Variants in CCBE1 observed in about 807,000 individuals in gnomAD.
The protein encoded by CCBE1 is collagen and calcium-binding EGF domain-containing protein 1.
A neutral mutation model predicts 50.0 loss-of-function variants in CCBE1; 37 were observed. The observed-to-expected ratio is 0.74, with a 90% CI of 0.57 to 0.97. CCBE1 has a LOEUF of 0.97. Among genes scored for constraint, CCBE1 ranks in the 50% least tolerant of loss-of-function variants. The pLI is 0.00. For synonymous variants in CCBE1, 234 were observed against 203.7 expected, an observed-to-expected ratio of 1.15 and a Z score of -1.27; for missense variants, 538 against 523.8, an observed-to-expected ratio of 1.03 and a Z score of -0.26.
At chr18:59,691,832 G>A (rs2054737516) in intron 2 of CCBE1, among the ~76,000 whole-genome samples, 1 of 152,186 alleles carries the variant, frequency 6.6e-6, no homozygotes, top group African/African-American at 2.4e-5. Context: ...AACAAGCAGA[G>A]GAGAGAGAAA....
At chr18:59,669,493 T>C (rs2054403569) in intron 2 of CCBE1, among the ~76,000 whole-genome samples, 1 of 152,200 alleles carries the variant, frequency 6.6e-6, no homozygotes, top group Non-Finnish European at 1.5e-5. Flanking sequence ...TATCTGTGGC[T>C]GAGAGGAAAG....
intron 2 of CCBE1, among the ~76,000 whole-genome samples, chr18:59,572,815 A>G (rs1178557040): frequency 2.0e-5 from 3 of 152,202 alleles, no homozygotes. Context: ...TCTTGAAGAC[A>G]TTAAAGAGTA....
intron 6 of CCBE1, among the ~76,000 whole-genome samples, 171 bp from the exon 7 acceptor site, chr18:59,448,274 G>A (rs1910776371): frequency 6.6e-6 from 1 of 152,094 alleles, no homozygotes; most frequent in Non-Finnish European, 1.5e-5. Context: ...TAAACCTAGA[G>A]GCATTCTAGG....
chr18:59,469,807 C>G (rs1044154041), intron 3 of CCBE1, among the ~76,000 whole-genome samples, 200 bp from the exon 4 acceptor site: 26 of 152,216 alleles, frequency 1.7e-4, no homozygotes, highest in African/African-American at 6.3e-4. Context: ...TACATGGCAT[C>G]ACATCACTCG....
chr18:59,638,110 G>A (rs950019109), intron 2 of CCBE1, among the ~76,000 whole-genome samples: 10 of 152,136 alleles, frequency 6.6e-5, no homozygotes, highest in African/African-American at 2.4e-4. Context: ...AGAAAAGTAA[G>A]GCATCATGAA....
chr18:59,587,026 A>G (rs899115385), intron 2 of CCBE1, among the ~76,000 whole-genome samples: 10 of 152,244 alleles, frequency 6.6e-5, no homozygotes, highest in African/African-American at 2.4e-4. Context: ...TTAAGTTATA[A>G]AAGAATAGAT....
At chr18:59,670,067 C>G (rs1011737439) in intron 2 of CCBE1, among the ~76,000 whole-genome samples, 2 of 152,100 alleles carry the variant, frequency 1.3e-5, no homozygotes, top group African/African-American at 4.8e-5. Context: ...TCTTGCCTTT[C>G]CATCTTCAAC....
chr18:59,552,085 C>T (rs1248823716), intron 2 of CCBE1, among the ~76,000 whole-genome samples: 2 of 152,204 alleles, frequency 1.3e-5, no homozygotes, highest in Admixed American at 1.3e-4. Flanking sequence ...ACCTTGGTGC[C>T]AGCTACCGTC....
intron 2 of CCBE1, among the ~76,000 whole-genome samples, chr18:59,541,499 T>C (rs1196314176): frequency 1.3e-5 from 2 of 152,164 alleles, no homozygotes; most frequent in Non-Finnish European, 2.9e-5. Context: ...ACCATCTTTT[T>C]GGAGAGGGTC....
At chr18:59,663,405 G>A (rs1204784050) in intron 2 of CCBE1, among the ~76,000 whole-genome samples, 3 of 152,186 alleles carry the variant, frequency 2.0e-5, no homozygotes, top group Non-Finnish European at 4.4e-5. Context: ...GACAGTGCCA[G>A]TGTTTGCCTA....
chr18:59,631,740 T>C (rs2053851474), intron 2 of CCBE1, among the ~76,000 whole-genome samples: 1 of 152,200 alleles, frequency 6.6e-6, no homozygotes, highest in Non-Finnish European at 1.5e-5. Context: ...GGGCACTAAA[T>C]AGCTTAGAGT....
chr18:59,666,626 G>C (rs575048954), intron 2 of CCBE1, among the ~76,000 whole-genome samples: 1 of 151,718 alleles, frequency 6.6e-6, no homozygotes, highest in African/African-American at 2.4e-5. Flanking sequence ...AGGTGGGGGG[G>C]TGGGGGCAGG....
intron 3 of CCBE1, among the ~76,000 whole-genome samples, chr18:59,474,166 T>C (rs1912197805): frequency 6.6e-6 from 1 of 152,180 alleles, no homozygotes; most frequent in Non-Finnish European, 1.5e-5. Flanking sequence ...ATTCCATGTC[T>C]TTGCTATTGT....
At chr18:59,573,304 T>A (rs2144491237) in intron 2 of CCBE1, among the ~76,000 whole-genome samples, 1 of 137,172 alleles carries the variant, frequency 7.3e-6, no homozygotes, top group East Asian at 2.0e-4. Context: ...TATATATATG[T>A]ATGTATGTGA....
At chr18:59,477,538 C>CTCTGTG (rs1021000494) in intron 3 of CCBE1, among the ~76,000 whole-genome samples, 1 of 149,884 alleles carries the variant, frequency 6.7e-6, no homozygotes, top group Non-Finnish European at 1.5e-5. Flanking sequence ...TTCCATGTCT[C>CTCTGTG]TGTGTGTGTG....
At chr18:59,529,894 A>G (rs1393457661) in intron 2 of CCBE1, among the ~76,000 whole-genome samples, 1 of 152,094 alleles carries the variant, frequency 6.6e-6, no homozygotes, top group African/African-American at 2.4e-5. Context: ...TCTCAAACCT[A>G]TACTGTCTTG....
intron 2 of CCBE1, among the ~76,000 whole-genome samples, chr18:59,494,092 C>T (rs984865237): frequency 4.6e-5 from 7 of 152,196 alleles, no homozygotes; most frequent in Admixed American, 3.9e-4. Flanking sequence ...TGGACTAACA[C>T]ACCTGGCTAG....
intron 2 of CCBE1, among the ~76,000 whole-genome samples, chr18:59,661,734 G>A (rs546624454): frequency 7.2e-5 from 11 of 152,286 alleles, no homozygotes; most frequent in African/African-American, 2.4e-4. Context: ...TTGAGAGCCC[G>A]AGGCGGGAGG....
chr18:59,505,511 A>G (rs1913829381), intron 2 of CCBE1, among the ~76,000 whole-genome samples: 1 of 152,244 alleles, frequency 6.6e-6, no homozygotes, highest in South Asian at 2.1e-4. Context: ...AATGTAAAAA[A>G]TAGATGCTAA....
Sources: allele counts gnomAD v4.1 joint callset (sites outside exome capture counted in the v4.1 genomes callset), GRCh38; gene constraint gnomAD v4.1.1; transcripts MANE v1.5; gene names NCBI Gene and HGNC (gene_info 2026-07-23, HGNC 2026-07-21).